Variants in OR51B5 observed in about 807,000 individuals in gnomAD.
OR51B5 encodes the protein olfactory receptor family 51 subfamily B member 5.
For synonymous variants in OR51B5, 186 were observed against 144.8 expected (o/e 1.28, Z -2.04); for missense variants, 456 against 374.6 (o/e 1.22, Z -1.79).
chr11:5,391,412 G>C (rs1411810971), intron 1 of OR51B5: 1 of 152,224 alleles, frequency 6.6e-6, no homozygotes, highest in Non-Finnish European at 1.5e-5. Context: ...GTGTGTGCAT[G>C]TGTCCATTAG....
chr11:5,396,009 A>G (rs550037902), intron 1 of OR51B5, among the ~76,000 whole-genome samples: 9 of 152,308 alleles, frequency 5.9e-5, no homozygotes, highest in East Asian at 1.9e-4. Context: ...AATTGTCTCA[A>G]TTTTTCAGAT....
intron 1 of OR51B5, among the ~76,000 whole-genome samples, chr11:5,474,678 T>TTTCTATTTCTCATTGGAAATA (rs1224063905): frequency 2.0e-5 from 3 of 152,228 alleles, no homozygotes; most frequent in Non-Finnish European, 4.4e-5. Context: ...AATGCAATAA[T>TTTCTATTTCTCATTGGAAATA]TCTATTTCTC....
At chr11:5,466,658 A>G (rs1007233185) in intron 1 of OR51B5, among the ~76,000 whole-genome samples, 3 of 152,172 alleles carry the variant, frequency 2.0e-5, no homozygotes, top group Non-Finnish European at 2.9e-5. Flanking sequence ...TTGTCTCTCT[A>G]TATAAGTAAG....
intron 1 of OR51B5, among the ~76,000 whole-genome samples, chr11:5,372,730 T>G (rs974495511): frequency 1.2e-4 from 18 of 152,240 alleles, no homozygotes; most frequent in Admixed American, 9.2e-4. Context: ...TTGTTTTCTT[T>G]GCTGTGCAGA....
At chr11:5,381,261 T>C (rs942100162) in intron 1 of OR51B5, among the ~76,000 whole-genome samples, 4 of 152,190 alleles carry the variant, frequency 2.6e-5, no homozygotes, top group African/African-American at 7.2e-5. Flanking sequence ...CTTTTCACTT[T>C]TAGTAATGGA....
intron 1 of OR51B5, chr11:5,488,766 C>T (rs1851532625): frequency 1.9e-6 from 3 of 1,613,978 alleles, no homozygotes; most frequent in Middle Eastern, 1.7e-4. Context: ...TAACAGGGAT[C>T]CCAGGGCTGG....
intron 1 of OR51B5, among the ~76,000 whole-genome samples, chr11:5,404,514 A>G (rs776474899): frequency 1.3e-5 from 2 of 151,620 alleles, no homozygotes; most frequent in African/African-American, 4.8e-5. Flanking sequence ...ACCAATCAGC[A>G]CTCTGTAAAA....
chr11:5,415,385 CAT>C (rs1850224798), intron 1 of OR51B5, among the ~76,000 whole-genome samples: 1 of 151,144 alleles, frequency 6.6e-6, no homozygotes, highest in Non-Finnish European at 1.5e-5. Context: ...CAAGAGCAAA[CAT>C]ATTCAAAAGC....
chr11:5,343,820 A>ATT, upstream of OR51B5, among the ~76,000 whole-genome samples: 1 of 152,212 alleles, frequency 6.6e-6, no homozygotes, highest in South Asian at 2.1e-4. Context: ...GTAAACTACA[A>ATT]CTTCTAAACT....
At chr11:5,352,479 G>A (rs768690598) in intron 1 of OR51B5, 1 of 1,403,446 alleles carries the variant, frequency 7.1e-7, no homozygotes, top group East Asian at 2.3e-5. Context: ...GAATAATTCA[G>A]GGGACCTGGA....
At chr11:5,419,533 C>T (rs1498475) in intron 1 of OR51B5, among the ~76,000 whole-genome samples, 124,962 of 152,114 alleles carry the variant, frequency 0.82, 52,152 homozygotes, top group Non-Finnish European at 0.89. Flanking sequence ...ATTATTTACA[C>T]AGCATTTATA....
intron 1 of OR51B5, chr11:5,422,576 G>A (rs1019411957): frequency 6.2e-6 from 10 of 1,613,932 alleles, no homozygotes; most frequent in Non-Finnish European, 8.5e-6. Flanking sequence ...TGACTGCTAT[G>A]TGGCCATCTG....
intron 1 of OR51B5, among the ~76,000 whole-genome samples, chr11:5,476,231 T>A (rs1176581863): frequency 6.6e-6 from 1 of 152,230 alleles, no homozygotes; most frequent in East Asian, 1.9e-4. Context: ...GAGCTTTATG[T>A]GTTGACTAAT....
chr11:5,387,077 A>G (rs976461997), intron 1 of OR51B5, among the ~76,000 whole-genome samples: 1 of 152,164 alleles, frequency 6.6e-6, no homozygotes, highest in Non-Finnish European at 1.5e-5. Context: ...TATAAGTAAT[A>G]ATAATAATAG....
At chr11:5,402,559 T>G (rs1243531425) in intron 1 of OR51B5, 1 of 432,386 alleles carries the variant, frequency 2.3e-6, no homozygotes, top group South Asian at 1.8e-5. Context: ...GTTTCTAATT[T>G]TCAAGGTGGC....
At chr11:5,349,554 CA>C (rs974660292) in intron 1 of OR51B5, among the ~76,000 whole-genome samples, 1 of 151,626 alleles carries the variant, frequency 6.6e-6, no homozygotes, top group Non-Finnish European at 1.5e-5. Context: ...TTTTTACTAC[CA>C]AAAAAATTAA....
intron 1 of OR51B5, chr11:5,489,561 G>T: frequency 6.2e-7 from 1 of 1,614,008 alleles, no homozygotes; most frequent in Non-Finnish European, 8.5e-7. Flanking sequence ...ATCTCTATGT[G>T]CTGGTGCCTC....
At chr11:5,345,915 C>T (rs1311586146), upstream of OR51B5, 1 of 151,140 alleles carries the variant, frequency 6.6e-6, no homozygotes, top group African/African-American at 2.4e-5. Context: ...AGACATAAAC[C>T]AGAATTCAGT....
intron 1 of OR51B5, among the ~76,000 whole-genome samples, chr11:5,480,365 G>A (rs2133807679): frequency 6.6e-6 from 1 of 152,122 alleles, no homozygotes; most frequent in East Asian, 1.9e-4. Flanking sequence ...GCAGTGTGTA[G>A]AGGGAAACTT....
Sources: allele counts gnomAD v4.1 joint callset (sites outside exome capture counted in the v4.1 genomes callset), GRCh38; gene constraint gnomAD v4.1.1; transcripts MANE v1.5; gene names NCBI Gene and HGNC (gene_info 2026-07-23, HGNC 2026-07-21).